Variants in PACRG observed in about 807,000 individuals in gnomAD.
PACRG encodes the protein parkin coregulated gene protein.
Under a neutral mutation model 29.7 loss-of-function variants are expected in PACRG, and 29 were observed. The observed-to-expected ratio is 0.98, with a 90% CI of 0.73 to 1.33. The LOEUF (loss-of-function observed/expected upper bound fraction) is 1.33, where lower values mean the gene tolerates loss of function less well. Ranked by LOEUF, PACRG falls within the 40% of genes most tolerant of loss-of-function variation. The probability of loss-of-function intolerance (pLI) is 0.00; values close to 1 mark genes in which losing one functional copy is unlikely to be tolerated. For missense variants in PACRG, 279 were observed against 316.2 expected, an observed-to-expected ratio of 0.88 and a Z score of 0.89; for synonymous variants, 116 against 118.7, an observed-to-expected ratio of 0.98 and a Z score of 0.15.
intron 4 of PACRG, among the ~76,000 whole-genome samples, chr6:163,126,258 C>T (rs1816510214): frequency 6.6e-6 from 1 of 152,172 alleles, no homozygotes; most frequent in African/African-American, 2.4e-5. Flanking sequence ...CACTCAGTAG[C>T]ATATGCAAAG....
chr6:163,187,329 C>A (rs1779988579), intron 4 of PACRG, among the ~76,000 whole-genome samples: 2 of 152,166 alleles, frequency 1.3e-5, no homozygotes, highest in African/African-American at 4.8e-5. Context: ...CTACCCACGC[C>A]AGTCAGTGCA....
intron 1 of PACRG, among the ~76,000 whole-genome samples, chr6:162,803,220 G>A (rs1036459880): frequency 6.6e-6 from 1 of 152,166 alleles, no homozygotes; most frequent in Non-Finnish European, 1.5e-5. Flanking sequence ...AAAGGAAGGA[G>A]AAAAGAAAAG....
intron 4 of PACRG, among the ~76,000 whole-genome samples, chr6:163,145,475 G>A (rs1253587107): frequency 6.6e-6 from 1 of 152,118 alleles, no homozygotes; most frequent in African/African-American, 2.4e-5. Context: ...CAATCATTAG[G>A]TTACCTTTTC....
At chr6:163,294,510 A>C (rs1024208800) in intron 4 of PACRG, among the ~76,000 whole-genome samples, 7 of 152,224 alleles carry the variant, frequency 4.6e-5, no homozygotes, top group Non-Finnish European at 7.3e-5. Flanking sequence ...TGGCAGCCCA[A>C]GGAAAAGAGA....
At chr6:163,016,347 C>A (rs1299972418) in intron 2 of PACRG, 1 of 152,022 alleles carries the variant, frequency 6.6e-6, no homozygotes, top group East Asian at 1.9e-4. Context: ...TGGGAAAGAT[C>A]TACTCTGGGA....
At chr6:162,762,152 A>T (rs1166707022) in intron 1 of PACRG, among the ~76,000 whole-genome samples, 1 of 152,084 alleles carries the variant, frequency 6.6e-6, no homozygotes, top group East Asian at 1.9e-4. Context: ...AATCAAGTGA[A>T]TGAGGCATTG....
At chr6:163,022,418 C>T (rs74342142) in intron 2 of PACRG, among the ~76,000 whole-genome samples, 9,741 of 152,190 alleles carry the variant, frequency 0.064, 420 homozygotes, top group Middle Eastern at 0.1. Flanking sequence ...TGAAGGCTGC[C>T]GAGATAAAAG....
At chr6:162,768,723 T>C (rs546511270) in intron 1 of PACRG, among the ~76,000 whole-genome samples, 2 of 146,204 alleles carry the variant, frequency 1.4e-5, no homozygotes, top group East Asian at 4.9e-4. Flanking sequence ...TCTGAAATAC[T>C]AATATATGGG....
Position 163,315,122 on chromosome 6 carries a change from TTGG to T in PACRG, c.*136_*138del. 1.9e-6 allele frequency: 2 copies of T among 1,028,900 alleles called. No individual in the cohort carries two copies. The highest frequency in any genetic ancestry group is 2.8e-6 in the Non-Finnish European group (2 of 710,160). 63.7% of individuals were successfully genotyped at this position (1,028,900 alleles called of 1,614,324 possible). A position where few individuals can be genotyped will look rare whatever the true frequency, so the allele number is the denominator to read the frequency against. ...TGCTAAAATAGTGGCTTATGGGCCA[TTGG>T]ACTGTTAGCCCTATTGAGAGCAAGG... On this transcript the variant is annotated 3_prime_UTR_variant, in exon 5 of 5. Coordinates refer to ENST00000366888, the MANE Select transcript of PACRG (RefSeq NM_001080379.2).
At chr6:163,046,626 G>T (rs1251740203) in intron 2 of PACRG, 2 of 152,004 alleles carry the variant, frequency 1.3e-5, no homozygotes, top group African/African-American at 4.8e-5. Context: ...TCCACACCCA[G>T]GCTGCTCTCC....
chr6:162,809,881 A>G (rs1224900933), intron 1 of PACRG, among the ~76,000 whole-genome samples: 8 of 152,182 alleles, frequency 5.3e-5, no homozygotes, highest in Admixed American at 5.2e-4. Context: ...CCTCTTCACT[A>G]GAATAGTAAA....
At chr6:162,764,197 C>T (rs922412379) in intron 1 of PACRG, among the ~76,000 whole-genome samples, 2 of 152,074 alleles carry the variant, frequency 1.3e-5, no homozygotes, top group African/African-American at 2.4e-5. Flanking sequence ...ATTGCTTGAA[C>T]CCAGGAGGCG....
At chr6:163,247,543 C>A (rs1422476105) in intron 4 of PACRG, among the ~76,000 whole-genome samples, 1 of 152,152 alleles carries the variant, frequency 6.6e-6, no homozygotes, top group Non-Finnish European at 1.5e-5. Context: ...TTGAGCAGAA[C>A]CTGCTTCTAA....
chr6:162,727,928 T>C (rs1779394805), upstream of PACRG: 4 of 589,296 alleles, frequency 6.8e-6, no homozygotes, highest in South Asian at 8.1e-5. Context: ...CCAGCAATCT[T>C]ACGTCACCGG....
chr6:162,870,279 T>C (rs1171164398), intron 2 of PACRG, among the ~76,000 whole-genome samples: 1 of 152,230 alleles, frequency 6.6e-6, no homozygotes, highest in Non-Finnish European at 1.5e-5. Context: ...ATTCTACTAG[T>C]ATTATTCTTT....
chr6:162,735,658 T>C (rs1780109521), intron 1 of PACRG, among the ~76,000 whole-genome samples: 1 of 152,206 alleles, frequency 6.6e-6, no homozygotes, highest in Non-Finnish European at 1.5e-5. Flanking sequence ...ACTTGTCTAG[T>C]ATTGTATGTA....
chr6:162,828,672 G>T (rs114704660), intron 2 of PACRG, among the ~76,000 whole-genome samples: 1 of 152,152 alleles, frequency 6.6e-6, no homozygotes, highest in Non-Finnish European at 1.5e-5. Context: ...CCTTTTGTGG[G>T]GTGGTCAGAG....
At chr6:162,998,247 T>C (rs1195147117) in intron 2 of PACRG, among the ~76,000 whole-genome samples, 2 of 152,194 alleles carry the variant, frequency 1.3e-5, no homozygotes, top group Non-Finnish European at 2.9e-5. Flanking sequence ...AGTCCTAGCT[T>C]TAAGCAGGAA....
At chr6:163,243,861 T>G (rs989026700) in intron 4 of PACRG, among the ~76,000 whole-genome samples, 3 of 89,836 alleles carry the variant, frequency 3.3e-5, no homozygotes, top group African/African-American at 2.9e-4. Context: ...ACTTAGTAAC[T>G]GAGGCTAAGA....
Sources: allele counts gnomAD v4.1 joint callset (sites outside exome capture counted in the v4.1 genomes callset), GRCh38; gene constraint gnomAD v4.1.1; transcripts MANE v1.5; gene names NCBI Gene and HGNC (gene_info 2026-07-23, HGNC 2026-07-21).